HNRNPUL1: variants seen among roughly 807,000 people sequenced by gnomAD.
HNRNPUL1 encodes heterogeneous nuclear ribonucleoprotein U like 1.
In HNRNPUL1, 14 loss-of-function variants were observed where a neutral mutation model predicts 108.5. The observed-to-expected ratio is 0.13, with a 90% CI of 0.09 to 0.20. HNRNPUL1 has a LOEUF of 0.20. Ranked by LOEUF, HNRNPUL1 falls within the 10% of genes least tolerant of loss-of-function variation. The pLI is 1.00. For synonymous variants in HNRNPUL1, 422 were observed against 445.2 expected (o/e 0.95, Z 0.66); for missense variants, 804 against 1,168.3 (o/e 0.69, Z 4.55).
At chr19:41,300,196 G>C (rs1462781964) in intron 10 of HNRNPUL1, among the ~76,000 whole-genome samples, 1 of 152,090 alleles carries the variant, frequency 6.6e-6, no homozygotes, top group Non-Finnish European at 1.5e-5. Context: ...AGCCCAGGGA[G>C]GGAGGCTTTT....
chr19:41,279,272 TTAGAA>T, intron 6 of HNRNPUL1, 96 bp downstream of exon 6: 1 of 832,798 alleles, frequency 1.2e-6, no homozygotes, highest in South Asian at 1.4e-5. Context: ...AGCGTCAGAC[TTAGAA>T]TAGAACTAGG....
chr19:41,275,379 C>G (rs1319527074), intron 4 of HNRNPUL1, among the ~76,000 whole-genome samples: 6 of 152,018 alleles, frequency 3.9e-5, no homozygotes, highest in Non-Finnish European at 2.9e-5. Flanking sequence ...CCCAGCTGTT[C>G]AGGAGGCTGC....
At chr19:41,280,923 A>G in intron 6 of HNRNPUL1, 3 of 468,428 alleles carry the variant, frequency 6.4e-6, no homozygotes, top group Non-Finnish European at 7.9e-6. Context: ...CCCTCTGTGC[A>G]GAGTTATTCA....
chr19:41,274,540 T>C (rs2035432755), intron 4 of HNRNPUL1, among the ~76,000 whole-genome samples: 1 of 152,222 alleles, frequency 6.6e-6, no homozygotes, highest in Non-Finnish European at 1.5e-5. Flanking sequence ...CGCCCTGCTG[T>C]CTGTCCTCCA....
At chr19:41,287,382 T>C (rs2036297544) in intron 7 of HNRNPUL1, among the ~76,000 whole-genome samples, 1 of 152,188 alleles carries the variant, frequency 6.6e-6, no homozygotes, top group Non-Finnish European at 1.5e-5. Flanking sequence ...AATGCTATTA[T>C]CTACTGCGCA....
rs1161265804 is a variant in HNRNPUL1 at position 41,304,160 on chromosome 19, C to G, written c.2161C>G (p.Arg721Gly). The G allele has an allele frequency of 2.5e-6, 4 of 1,614,058 alleles. No homozygotes were observed. The African/African-American group carries it at 5.3e-5, about 22-fold the overall frequency. The change falls in exon 13 of 15, where the codon CGG becomes GGG. Residue 721 changes from arginine (R) to glycine (G), a missense_variant. By Grantham distance (125) the Arg-to-Gly change is moderately radical (BLOSUM62 -2). Transcript: ENST00000392006. Reference protein sequence around the residue: ...PPPPPSYSPARNPPGASTYNK... With the variant: ...PPPPPSYSPAGNPPGASTYNK... Reference sequence around the variant, plus strand: ...GCCACCACCCAGCTACAGCCCTGCTCGGAACCCCCCAGGGGCCAGCACCTA... The same window carrying G: ...GCCACCACCCAGCTACAGCCCTGCTGGGAACCCCCCAGGGGCCAGCACCTA...
chr19:41,304,352 A>T, intron 13 of HNRNPUL1, 91 bp downstream of exon 13: 1 of 1,517,472 alleles, frequency 6.6e-7, no homozygotes, highest in Non-Finnish European at 8.8e-7. Context: ...GGGGAAATCA[A>T]CACATGCCCC....
At chr19:41,297,122 A>T (rs185322032) in intron 10 of HNRNPUL1, among the ~76,000 whole-genome samples, 1 of 152,360 alleles carries the variant, frequency 6.6e-6, no homozygotes, top group South Asian at 2.1e-4. Context: ...TGGGCATCAC[A>T]GCTGTGGAAC....
At chr19:41,270,230 G>T (rs1037303304) in intron 2 of HNRNPUL1, among the ~76,000 whole-genome samples, 2 of 151,904 alleles carry the variant, frequency 1.3e-5, no homozygotes, top group African/African-American at 2.4e-5. Flanking sequence ...TGATCCGCCC[G>T]CCTCAGCCTC....
intron 10 of HNRNPUL1, among the ~76,000 whole-genome samples, chr19:41,299,200 A>G (rs1156920557): frequency 6.6e-6 from 1 of 152,132 alleles, no homozygotes; most frequent in Non-Finnish European, 1.5e-5. Context: ...AGACCCCAAG[A>G]ACAGTATGTG....
intron 2 of HNRNPUL1, among the ~76,000 whole-genome samples, chr19:41,269,994 T>G (rs2035118370): frequency 6.6e-6 from 1 of 152,126 alleles, no homozygotes; most frequent in South Asian, 2.1e-4. Context: ...CTCTTTTTTT[T>G]TTTTTGAGAC....
rs573369353 is a variant in HNRNPUL1, at chr19:41,303,013, G to A, written c.1972+64G>A. 4.3e-5 allele frequency: 63 copies of A among 1,473,914 alleles called. No individual in the cohort carries two copies. The South Asian group carries it at 8.7e-4, about 20-fold the overall frequency. The allele number at this position is 1,473,914 out of a possible 1,614,324, so 91.3% of individuals were successfully genotyped here. On this transcript the variant is annotated intron_variant, in intron 12 of 14. Coordinates refer to ENST00000392006, the MANE Select transcript of HNRNPUL1 (RefSeq NM_007040.6). ...CCCAGGTTGGGGCTGGGCTTTGACTGCTTATTCAATCAGCAACTGAAGTTT... is the reference window on the plus strand; with the variant it reads ...CCCAGGTTGGGGCTGGGCTTTGACTACTTATTCAATCAGCAACTGAAGTTT...
At chr19:41,288,090 T>C (rs958605946) in intron 7 of HNRNPUL1, among the ~76,000 whole-genome samples, 2 of 151,902 alleles carry the variant, frequency 1.3e-5, no homozygotes, top group Non-Finnish European at 2.9e-5. Flanking sequence ...AATCGAGGAA[T>C]GTAAAAGGGG....
At position 41,292,165 on chromosome 19, in the gene HNRNPUL1, T is replaced by C. The variant is rs1156660153; in HGVS notation, c.1000-80T>C. The C allele has an allele frequency of 1.4e-6, 2 of 1,423,018 alleles. No homozygotes were observed. Among genetic ancestry groups the C allele is most frequent in the Non-Finnish European group, 2.0e-6 (2 of 1,019,500 alleles). The allele number at this position is 1,423,018 out of a possible 1,614,324, so 88.1% of individuals were successfully genotyped here. On this transcript the variant is annotated intron_variant, in intron 7 of 14. Coordinates refer to ENST00000392006, the MANE Select transcript of HNRNPUL1 (RefSeq NM_007040.6). This position sits in a 1 kb window ranked among gnomAD's most constrained non-coding sequence, Gnocchi z 4.1. ...GGAAAGCTGTCCACATTCTACTCCCTGCATCTACTGTCCTCACATTTGACT... is the reference window on the plus strand; with the variant it reads ...GGAAAGCTGTCCACATTCTACTCCCCGCATCTACTGTCCTCACATTTGACT...
At chr19:41,274,833 A>T (rs2035454250) in intron 4 of HNRNPUL1, among the ~76,000 whole-genome samples, 1 of 152,246 alleles carries the variant, frequency 6.6e-6, no homozygotes, top group Admixed American at 6.5e-5. Context: ...AGATAAAAAT[A>T]TACACAATCT....
In HNRNPUL1 at chr19:41,301,622, CGAG is replaced by C. The variant is rs2037216381; in HGVS notation, c.1608_1610del (p.Glu536del). ...AAGCTATTGTAATTTGTCCCACTGA[CGAG>C]GACCTAAAAGACCGAACAATAAAGC... On this transcript the variant is annotated inframe_deletion, in exon 11 of 15. Transcript: ENST00000392006. 6.2e-7 allele frequency: 1 copy of C among 1,613,942 alleles called. No homozygotes were observed. The highest frequency in any genetic ancestry group is 1.1e-5 in the South Asian group (1 of 91,078).
At chr19:41,305,962 A>C in intron 14 of HNRNPUL1, 95 bp downstream of exon 14, 1 of 849,858 alleles carries the variant, frequency 1.2e-6, no homozygotes, top group Non-Finnish European at 1.8e-6. Context: ...TTATCCCTAA[A>C]AAGACAGCCT....
intron 10 of HNRNPUL1, among the ~76,000 whole-genome samples, chr19:41,300,571 GT>G (rs2037147918): frequency 1.3e-5 from 2 of 152,196 alleles, no homozygotes; most frequent in Admixed American, 1.3e-4. Flanking sequence ...TTTTTAAGTA[GT>G]GTCCTCGTGA....
chr19:41,271,244 G>C (rs2035219558), intron 2 of HNRNPUL1, among the ~76,000 whole-genome samples: 1 of 152,180 alleles, frequency 6.6e-6, no homozygotes, highest in Non-Finnish European at 1.5e-5. Context: ...CCGCAGATTT[G>C]TGTCAGGCTC....
Sources: allele counts gnomAD v4.1 joint callset (sites outside exome capture counted in the v4.1 genomes callset), GRCh38; gene constraint gnomAD v4.1.1; non-coding constraint Gnocchi (gnomAD v3.1); transcripts MANE v1.5; gene names NCBI Gene and HGNC (gene_info 2026-07-23, HGNC 2026-07-21).